Variants in NXPE4 observed in about 807,000 individuals in gnomAD.
NXPE4 encodes neurexophilin and PC-esterase domain family member 4.
NXPE4 carries 42 observed loss-of-function variants against 33.3 expected under a neutral mutation model. That is an observed-to-expected ratio of 1.26 (90% CI 0.98 to 1.63). NXPE4 has a LOEUF of 1.63. NXPE4 is among the 40% of genes most tolerant of loss of function. The pLI is 0.00. For missense variants in NXPE4, 709 were observed against 647.6 expected (o/e 1.09, Z -1.03); for synonymous variants, 253 against 234.9 (o/e 1.08, Z -0.71).
chr11:114,587,435 C>T (rs547605901), intron 2 of NXPE4, among the ~76,000 whole-genome samples: 1 of 152,300 alleles, frequency 6.6e-6, no homozygotes, highest in Admixed American at 6.5e-5. Context: ...AAGGGCATTA[C>T]CCAAATGTAA....
At position 114,583,021 on chromosome 11, in the gene NXPE4, C is replaced by A; in HGVS notation, c.97G>T (p.Val33Phe). Residue 33 changes from valine to phenylalanine, a missense_variant and splice_region_variant, in exon 3 of 6, where the codon GTT becomes TTT. Coordinates refer to ENST00000375478, the MANE Select transcript of NXPE4 (RefSeq NM_001077639.2). Reference protein sequence around the residue: ...IFTVFQNSTKVWSALNLSISL... With the variant: ...IFTVFQNSTKFWSALNLSISL... Reference sequence around the variant, plus strand: ...ATGGATAAGTTTAGAGCAGACCAAACCTGAAATGACAGCAAATGTGACATG... The same window carrying A: ...ATGGATAAGTTTAGAGCAGACCAAAACTGAAATGACAGCAAATGTGACATG... 1 of 1,602,616 alleles carries A rather than the reference C, an allele frequency of 6.2e-7. No individual in the cohort carries two copies. The highest frequency in any genetic ancestry group is 8.5e-7 in the Non-Finnish European group (1 of 1,174,984).
chr11:114,639,782 TATA>T, the NXPE4 span, among the ~76,000 whole-genome samples: 1 of 125,926 alleles, frequency 7.9e-6, no homozygotes, highest in South Asian at 2.2e-4. Context: ...TAATATAAAA[TATA>T]ATATATATTA....
the NXPE4 span, among the ~76,000 whole-genome samples, chr11:114,656,009 G>T: frequency 1.8e-3 from 270 of 152,218 alleles, 4 homozygotes; most frequent in Non-Finnish European, 1.6e-4. Flanking sequence ...CAGATGACAT[G>T]ATCTTATATT....
chr11:114,632,044 T>G, the NXPE4 span, among the ~76,000 whole-genome samples: 2 of 144,822 alleles, frequency 1.4e-5, no homozygotes, highest in African/African-American at 5.0e-5. Context: ...ATATAATATA[T>G]AATTTAATAA....
At chr11:114,577,607 A>G (rs1462368452) in intron 5 of NXPE4, among the ~76,000 whole-genome samples, 1 of 152,188 alleles carries the variant, frequency 6.6e-6, no homozygotes, top group Non-Finnish European at 1.5e-5. Flanking sequence ...CGTGCACGCC[A>G]CCTTATAGAA....
chr11:114,601,155 T>A, the NXPE4 span, among the ~76,000 whole-genome samples: 1 of 151,770 alleles, frequency 6.6e-6, no homozygotes, highest in Non-Finnish European at 1.5e-5. Flanking sequence ...ATGAATTGTA[T>A]AATGGTGAAC....
the NXPE4 span, among the ~76,000 whole-genome samples, chr11:114,617,110 G>A: frequency 4.0e-5 from 6 of 151,898 alleles, no homozygotes; most frequent in East Asian, 2.0e-4. Context: ...GTGTTGCCTC[G>A]TGGGTAACCA....
Position 114,577,009 on chromosome 11 carries a change from TTATATA to T in NXPE4, c.1099+3117_1099+3122del, listed in dbSNP as rs56902026. ...TATATATACATATATATATATAAAG[TTATATA>T]TATATATATATACATATATATATAT... is the stretch of plus-strand genomic sequence containing the variant. On this transcript the variant is annotated intron_variant, in intron 5 of 5. Coordinates refer to ENST00000375478, the MANE Select transcript of NXPE4 (RefSeq NM_001077639.2). 1.3e-3 allele frequency among the ~76,000 whole-genome samples: 147 copies of T among 116,236 alleles called. 1 individual carries two copies. The highest frequency in any genetic ancestry group is 4.3e-3 in the African/African-American group (119 of 27,642). The allele number at this position is 116,236 out of a possible 152,430, so 76.3% of individuals were successfully genotyped here.
chr11:114,660,245 C>T, the NXPE4 span, among the ~76,000 whole-genome samples: 11 of 151,980 alleles, frequency 7.2e-5, no homozygotes, highest in African/African-American at 1.4e-4. Context: ...TCAATACTAA[C>T]AATTCTACTG....
chr11:114,663,644 C>CTAT, the NXPE4 span, among the ~76,000 whole-genome samples: 4 of 114,706 alleles, frequency 3.5e-5, no homozygotes, highest in East Asian at 2.5e-4. Flanking sequence ...TATCATCTAT[C>CTAT]CATCTATCAT....
the NXPE4 span, among the ~76,000 whole-genome samples, chr11:114,639,737 A>T: frequency 0.44 from 46,467 of 105,408 alleles, 10,306 homozygotes; most frequent in African/African-American, 0.59. Flanking sequence ...TATAATATAA[A>T]ATAATATATA....
the NXPE4 span, among the ~76,000 whole-genome samples, chr11:114,628,796 G>C: frequency 4.6e-5 from 7 of 151,944 alleles, no homozygotes; most frequent in African/African-American, 1.4e-4. Context: ...ATGAAAAAAA[G>C]AGAGAAGAAT....
the NXPE4 span, among the ~76,000 whole-genome samples, chr11:114,672,574 A>C: frequency 6.6e-6 from 1 of 151,998 alleles, no homozygotes; most frequent in South Asian, 2.1e-4. Context: ...TACTGCCTAC[A>C]AGACACATAC....
At chr11:114,618,276 G>A in the NXPE4 span, among the ~76,000 whole-genome samples, 5 of 152,030 alleles carry the variant, frequency 3.3e-5, no homozygotes, top group Non-Finnish European at 7.4e-5. Flanking sequence ...TGGATAATAA[G>A]TATTACCGCA....
At chr11:114,675,004 A>AAATCTAT in the NXPE4 span, among the ~76,000 whole-genome samples, 4 of 151,870 alleles carry the variant, frequency 2.6e-5, no homozygotes, top group African/African-American at 9.7e-5. Flanking sequence ...CAACATACAC[A>AAATCTAT]AATCTATACA....
intron 5 of NXPE4, among the ~76,000 whole-genome samples, chr11:114,578,184 C>T (rs1273922482): frequency 6.6e-6 from 1 of 152,110 alleles, no homozygotes; most frequent in Non-Finnish European, 1.5e-5. Context: ...GAAGACTTAA[C>T]CCAGTGAGGC....
At chr11:114,653,459 T>C in the NXPE4 span, among the ~76,000 whole-genome samples, 4 of 151,972 alleles carry the variant, frequency 2.6e-5, no homozygotes, top group African/African-American at 9.6e-5. Context: ...GCTTTGAAAA[T>C]ATTTAACCCT....
upstream of NXPE4, among the ~76,000 whole-genome samples, chr11:114,600,414 G>C (rs923622079): frequency 6.6e-6 from 1 of 152,050 alleles, no homozygotes; most frequent in Non-Finnish European, 1.5e-5. Context: ...CAAATAATCT[G>C]CCAAATAGTT....
the NXPE4 span, among the ~76,000 whole-genome samples, chr11:114,639,409 C>T: frequency 6.6e-6 from 1 of 151,908 alleles, no homozygotes; most frequent in Admixed American, 6.6e-5. Flanking sequence ...TCCCTGACCC[C>T]TTGCGCTTCC....
Sources: gnomAD v4.1 joint callset for allele counts (sites outside exome capture counted in the v4.1 genomes callset) on GRCh38, gnomAD v4.1.1 for gene constraint, MANE v1.5 for transcripts, NCBI Gene and HGNC (gene_info 2026-07-23, HGNC 2026-07-21) for gene names.